The following KCNMA1 variants were observed in gnomAD, a reference collection of about 807,000 sequenced individuals.
KCNMA1 encodes Calcium-activated potassium channel subunit alpha-1.
A neutral mutation model predicts 140.0 loss-of-function variants in KCNMA1; 29 were observed. The ratio of observed to expected loss-of-function variants is 0.21; its 90% confidence interval spans 0.15 to 0.28. The LOEUF is 0.28. KCNMA1 is among the 10% of genes least tolerant of loss of function. KCNMA1 has a pLI of 1.00. For synonymous variants in KCNMA1, 612 were observed against 611.9 expected (o/e 1.00, Z 0.00); for missense variants, 880 against 1,602.2 (o/e 0.55, Z 7.70).
intron 23 of KCNMA1, among the ~76,000 whole-genome samples, chr10:76,917,850 G>T (rs770691250): frequency 2.8e-4 from 42 of 152,124 alleles, no homozygotes; most frequent in Non-Finnish European, 5.1e-4. Context: ...CTTTCTTAGG[G>T]GTACTGATAT....
At chr10:77,471,523 C>T (rs1307637963) in intron 1 of KCNMA1, among the ~76,000 whole-genome samples, 1 of 150,858 alleles carries the variant, frequency 6.6e-6, no homozygotes, top group East Asian at 2.0e-4. Context: ...ACACCATACA[C>T]ATACACACAG....
intron 18 of KCNMA1, among the ~76,000 whole-genome samples, chr10:77,005,563 C>G (rs770378056): frequency 2.6e-5 from 4 of 152,186 alleles, no homozygotes; most frequent in Non-Finnish European, 2.9e-5. Flanking sequence ...ATACAAGGCT[C>G]TAGGGACTCA....
At chr10:77,243,633 T>G (rs946389711) in intron 3 of KCNMA1, among the ~76,000 whole-genome samples, 2 of 152,178 alleles carry the variant, frequency 1.3e-5, no homozygotes, top group African/African-American at 4.8e-5. Context: ...TGTATAGACA[T>G]AGTTATCAGA....
intron 2 of KCNMA1, among the ~76,000 whole-genome samples, chr10:77,325,493 A>G (rs1395288360): frequency 1.3e-5 from 2 of 152,154 alleles, no homozygotes; most frequent in African/African-American, 2.4e-5. Context: ...AAGCCAGGGG[A>G]TGGCACTAAC....
chr10:76,978,779 C>T (rs1055547998), intron 19 of KCNMA1, among the ~76,000 whole-genome samples: 1 of 152,174 alleles, frequency 6.6e-6, no homozygotes, highest in Non-Finnish European at 1.5e-5. Flanking sequence ...CCTGGAAGGG[C>T]TCACACCCAT....
intron 25 of KCNMA1, among the ~76,000 whole-genome samples, chr10:76,897,011 TAC>T (rs3067677): frequency 0.3 from 42,757 of 142,540 alleles, 6,685 homozygotes; most frequent in Middle Eastern, 0.4. Flanking sequence ...AGGTGAAAAT[TAC>T]ACACACACAC....
chr10:77,139,465 T>C (rs1256872925), intron 5 of KCNMA1, among the ~76,000 whole-genome samples: 4 of 152,212 alleles, frequency 2.6e-5, no homozygotes, highest in African/African-American at 4.8e-5. Context: ...ATGAAAAGGA[T>C]TGACTAGGTT....
chr10:77,605,389 T>C (rs962440751), intron 1 of KCNMA1, among the ~76,000 whole-genome samples: 2 of 152,242 alleles, frequency 1.3e-5, no homozygotes, highest in Admixed American at 6.5e-5. Flanking sequence ...TCCCATCTTT[T>C]AGGCGGCAAA....
intron 1 of KCNMA1, among the ~76,000 whole-genome samples, chr10:77,557,368 T>G (rs1273612907): frequency 1.3e-5 from 2 of 152,140 alleles, no homozygotes; most frequent in African/African-American, 4.8e-5. Context: ...AAAGGATGTG[T>G]GGACAAATAC....
chr10:77,266,079 CA>C (rs71975813), intron 2 of KCNMA1, among the ~76,000 whole-genome samples: 79 of 137,478 alleles, frequency 5.7e-4, no homozygotes, highest in South Asian at 3.4e-3. Context: ...GAAAACCTGC[CA>C]AAAAAAAAAA....
intron 3 of KCNMA1, among the ~76,000 whole-genome samples, chr10:77,187,558 C>T (rs947508905): frequency 6.6e-6 from 1 of 152,192 alleles, no homozygotes; most frequent in Non-Finnish European, 1.5e-5. Flanking sequence ...AGCTGAAATA[C>T]TAAAGGAAGT....
At chr10:77,587,434 A>G (rs1222817177) in intron 1 of KCNMA1, among the ~76,000 whole-genome samples, 1 of 152,162 alleles carries the variant, frequency 6.6e-6, no homozygotes, top group African/African-American at 2.4e-5. Flanking sequence ...TACATTCTTA[A>G]GTGTCCAAAC....
chr10:77,083,848 G>C (rs140208664), intron 12 of KCNMA1, among the ~76,000 whole-genome samples: 1 of 145,964 alleles, frequency 6.9e-6, no homozygotes, highest in African/African-American at 2.6e-5. Flanking sequence ...GAAAAAAAAC[G>C]GGGGGGGGTT....
chr10:77,555,243 G>T (rs1424430792), intron 1 of KCNMA1, among the ~76,000 whole-genome samples: 1 of 152,182 alleles, frequency 6.6e-6, no homozygotes, highest in Non-Finnish European at 1.5e-5. Flanking sequence ...CACAGGCCAG[G>T]GTGACATGTG....
At chr10:77,492,995 TG>T (rs1394344273) in intron 1 of KCNMA1, among the ~76,000 whole-genome samples, 1 of 152,218 alleles carries the variant, frequency 6.6e-6, no homozygotes, top group Non-Finnish European at 1.5e-5. Flanking sequence ...AGCCAGTGAA[TG>T]GGGATTTGAA....
chr10:77,570,244 C>A (rs2070442511), intron 1 of KCNMA1, among the ~76,000 whole-genome samples: 1 of 146,386 alleles, frequency 6.8e-6, no homozygotes, highest in South Asian at 2.2e-4. Flanking sequence ...TGGGTATATA[C>A]CCAAAGGACT....
chr10:77,262,051 C>T (rs1168114041), intron 2 of KCNMA1, among the ~76,000 whole-genome samples: 2 of 152,200 alleles, frequency 1.3e-5, no homozygotes, highest in African/African-American at 2.4e-5. Flanking sequence ...TTCTCAAACC[C>T]TGCCAGTTGT....
chr10:77,388,802 A>G (rs918249293), intron 2 of KCNMA1, among the ~76,000 whole-genome samples: 2 of 152,102 alleles, frequency 1.3e-5, no homozygotes, highest in East Asian at 3.9e-4. Context: ...GGGAAGAGGA[A>G]TTGTATCTCT....
At chr10:76,968,963 G>T (rs1435529672) in intron 20 of KCNMA1, among the ~76,000 whole-genome samples, 1 of 152,086 alleles carries the variant, frequency 6.6e-6, no homozygotes, top group Non-Finnish European at 1.5e-5. Context: ...AAAGCCGGTG[G>T]CCATGAAAAG....
Sources: allele counts gnomAD v4.1 joint callset (sites outside exome capture counted in the v4.1 genomes callset), GRCh38; gene constraint gnomAD v4.1.1; transcripts MANE v1.5; gene names NCBI Gene and HGNC (gene_info 2026-07-23, HGNC 2026-07-21).